GRID2: variants seen among roughly 807,000 people sequenced by gnomAD.
The protein encoded by GRID2 is glutamate receptor ionotropic, delta-2.
GRID2 carries 33 observed loss-of-function variants against 114.8 expected under a neutral mutation model. The observed-to-expected ratio is 0.29, with a 90% CI of 0.22 to 0.38. GRID2 has a LOEUF of 0.38. GRID2 is among the 10% of genes least tolerant of loss of function. GRID2 has a pLI of 1.00. For synonymous variants in GRID2, 505 were observed against 449.9 expected, an observed-to-expected ratio of 1.12 and a Z score of -1.55; for missense variants, 1,184 against 1,257.7, an observed-to-expected ratio of 0.94 and a Z score of 0.89.
At chr4:93,494,158 G>A (rs1373899686) in intron 12 of GRID2, among the ~76,000 whole-genome samples, 3 of 151,706 alleles carry the variant, frequency 2.0e-5, no homozygotes, top group African/African-American at 7.3e-5. Flanking sequence ...TTTCAAAGTA[G>A]CATTCAATGT....
At chr4:93,743,423 G>A (rs898470904) in intron 14 of GRID2, among the ~76,000 whole-genome samples, 6 of 152,196 alleles carry the variant, frequency 3.9e-5, no homozygotes, top group Non-Finnish European at 7.3e-5. Context: ...AGACGAAACA[G>A]CTGTCTTAGT....
intron 2 of GRID2, among the ~76,000 whole-genome samples, chr4:92,896,979 T>G (rs1013106358): frequency 4.0e-4 from 61 of 152,220 alleles, no homozygotes; most frequent in African/African-American, 1.3e-3. Context: ...TGACCTCAAG[T>G]GATCCACCTT....
chr4:93,479,130 T>G (rs1271757050), intron 11 of GRID2, among the ~76,000 whole-genome samples: 2 of 151,986 alleles, frequency 1.3e-5, no homozygotes, highest in Non-Finnish European at 2.9e-5. Context: ...AAAAGTTAGG[T>G]TTACACTATA....
rs10706922 is a variant in GRID2, at chr4:93,075,883, C to CTTTTTTTTTTTTT, written c.245-9086_245-9074dup. On this transcript the variant is annotated intron_variant, in intron 2 of 15. Transcript: ENST00000282020. The stretch of plus-strand genomic sequence containing the variant: ...GTATTGGGATGTCGAAGTTACCTCT[C>CTTTTTTTTTTTTT]TTTTTTTTTTTTTTTTTTTTTTTTT... Among the ~76,000 whole-genome samples the CTTTTTTTTTTTTT allele has an allele frequency of 5.2e-5, 4 of 76,602 alleles. 1 individual carries two copies. The highest frequency in any genetic ancestry group is 7.5e-5 in the Non-Finnish European group (3 of 39,818). 50.3% of individuals were successfully genotyped at this position (76,602 alleles called of 152,430 possible). A position where few individuals can be genotyped will look rare whatever the true frequency, so the allele number is the denominator to read the frequency against.
chr4:92,481,719 TA>T (rs1338850857), intron 1 of GRID2, among the ~76,000 whole-genome samples: 1 of 151,944 alleles, frequency 6.6e-6, no homozygotes, highest in African/African-American at 2.4e-5. Flanking sequence ...AATTTCATGT[TA>T]TTTTTCCAAT....
intron 3 of GRID2, among the ~76,000 whole-genome samples, chr4:93,098,407 G>A (rs1223613100): frequency 2.0e-5 from 3 of 151,892 alleles, no homozygotes; most frequent in Non-Finnish European, 4.4e-5. Flanking sequence ...CCATCAGAGA[G>A]GTCTAAGCAA....
At chr4:92,617,355 C>T (rs1251687289) in intron 2 of GRID2, among the ~76,000 whole-genome samples, 3 of 151,496 alleles carry the variant, frequency 2.0e-5, no homozygotes, top group Non-Finnish European at 4.4e-5. Context: ...AGGTATTTGT[C>T]CTAATGCTCT....
chr4:93,538,929 G>C (rs1036662391), intron 13 of GRID2, among the ~76,000 whole-genome samples: 8 of 151,750 alleles, frequency 5.3e-5, no homozygotes, highest in Non-Finnish European at 1.2e-4. Flanking sequence ...CTGAGGTCCA[G>C]TTAATAGTAA....
chr4:92,584,987 C>G (rs1728359886), intron 1 of GRID2, among the ~76,000 whole-genome samples: 2 of 152,024 alleles, frequency 1.3e-5, no homozygotes, highest in Non-Finnish European at 2.9e-5. Flanking sequence ...CAACATGATT[C>G]CTTCTTTTCA....
intron 15 of GRID2, 80 bp downstream of exon 15, chr4:93,769,530 A>G: frequency 1.4e-6 from 2 of 1,385,774 alleles, no homozygotes; most frequent in East Asian, 4.6e-5. Flanking sequence ...CAGGGAGGAT[A>G]ATGGGTTGGG....
intron 2 of GRID2, among the ~76,000 whole-genome samples, chr4:92,595,858 G>A (rs1728925573): frequency 6.6e-6 from 1 of 152,040 alleles, no homozygotes. Context: ...TCTGGTCATT[G>A]ATTAAATCTA....
intron 8 of GRID2, among the ~76,000 whole-genome samples, chr4:93,346,640 A>G (rs1382321308): frequency 6.6e-6 from 1 of 152,138 alleles, no homozygotes; most frequent in Non-Finnish European, 1.5e-5. Flanking sequence ...GGCCATGAAA[A>G]TTGGTTCTTT....
chr4:93,006,104 C>CTA (rs1721494473), intron 2 of GRID2, among the ~76,000 whole-genome samples: 1 of 152,078 alleles, frequency 6.6e-6, no homozygotes, highest in Non-Finnish European at 1.5e-5. Context: ...CCCTTCCACT[C>CTA]TATCCAAGTC....
intron 2 of GRID2, among the ~76,000 whole-genome samples, chr4:92,998,302 A>T (rs1226010138): frequency 6.6e-6 from 1 of 151,980 alleles, no homozygotes; most frequent in Non-Finnish European, 1.5e-5. Context: ...TTATTTATGT[A>T]TTTTGAACTA....
intron 2 of GRID2, among the ~76,000 whole-genome samples, chr4:92,805,663 T>C (rs1239885535): frequency 1.3e-5 from 2 of 152,016 alleles, no homozygotes; most frequent in Non-Finnish European, 2.9e-5. Flanking sequence ...CTTGGTGCAG[T>C]GGCTCACGCT....
chr4:92,611,651 T>C (rs1469419254), intron 2 of GRID2, among the ~76,000 whole-genome samples: 1 of 151,600 alleles, frequency 6.6e-6, no homozygotes, highest in African/African-American at 2.4e-5. Context: ...GACAGCTGTG[T>C]ACTATTTCAC....
intron 2 of GRID2, among the ~76,000 whole-genome samples, chr4:92,877,236 T>G (rs1386376617): frequency 6.6e-6 from 1 of 152,200 alleles, no homozygotes; most frequent in African/African-American, 2.4e-5. Context: ...GTTAGTACAC[T>G]GCATCTAAGG....
intron 4 of GRID2, among the ~76,000 whole-genome samples, chr4:93,120,028 A>C (rs1733632948): frequency 6.6e-6 from 1 of 152,184 alleles, no homozygotes; most frequent in Non-Finnish European, 1.5e-5. Context: ...GAGAAATGCA[A>C]ATTGAAACCA....
intron 4 of GRID2, among the ~76,000 whole-genome samples, chr4:93,162,288 A>G (rs529423080): frequency 6.6e-6 from 1 of 152,098 alleles, no homozygotes; most frequent in South Asian, 2.1e-4. Context: ...ATTAAATTGT[A>G]TATATTCAAA....
Sources: gnomAD v4.1 joint callset for allele counts (sites outside exome capture counted in the v4.1 genomes callset) on GRCh38, gnomAD v4.1.1 for gene constraint, MANE v1.5 for transcripts, NCBI Gene and HGNC (gene_info 2026-07-23, HGNC 2026-07-21) for gene names.